GABRG2: variants seen among roughly 807,000 people sequenced by gnomAD.
GABRG2 encodes gamma-aminobutyric acid type A receptor subunit gamma2.
In GABRG2, 16 loss-of-function variants were observed where a neutral mutation model predicts 56.4. The ratio of observed to expected loss-of-function variants is 0.28; its 90% CI spans 0.19 to 0.43. The LOEUF is 0.43. Among genes scored for constraint, GABRG2 ranks in the 20% least tolerant of loss-of-function variants. The pLI is 1.00. For synonymous variants in GABRG2, 208 were observed against 205.5 expected, an observed-to-expected ratio of 1.01 and a Z score of -0.10; for missense variants, 327 against 582.7, an observed-to-expected ratio of 0.56 and a Z score of 4.52.
intron 1 of GABRG2, among the ~76,000 whole-genome samples, chr5:162,084,265 T>C (rs1759884177): frequency 6.7e-6 from 1 of 148,786 alleles, no homozygotes; most frequent in Admixed American, 7.0e-5. Context: ...TAATTAAAAT[T>C]GTCTGTGTAC....
intron 7 of GABRG2, among the ~76,000 whole-genome samples, chr5:162,144,836 T>A (rs902264925): frequency 2.0e-5 from 3 of 152,180 alleles, no homozygotes; most frequent in Non-Finnish European, 4.4e-5. Flanking sequence ...TCTAGATCAG[T>A]GCTCCTTAAA....
chr5:162,098,050 A>T (rs1761130703), intron 4 of GABRG2, 192 bp downstream of exon 4: 1 of 599,354 alleles, frequency 1.7e-6, no homozygotes, highest in African/African-American at 1.9e-5. Flanking sequence ...GAGCTTTTTC[A>T]AAGCACTAAT....
chr5:162,151,357 A>G (rs1452724625), intron 8 of GABRG2: 1 of 172,070 alleles, frequency 5.8e-6, no homozygotes, highest in Non-Finnish European at 1.2e-5. Context: ...CCTTTTGGAT[A>G]ATTGTGTCAA....
chr5:162,152,564 C>A, intron 9 of GABRG2: 1 of 324,348 alleles, frequency 3.1e-6, no homozygotes, highest in South Asian at 3.0e-5. Context: ...ATAAGCCATA[C>A]CATTGTGGTA....
At chr5:162,149,664 A>T (rs762710750) in intron 8 of GABRG2, 1 of 607,968 alleles carries the variant, frequency 1.6e-6, no homozygotes, top group Non-Finnish European at 3.1e-6. Context: ...CTCAGGCTGG[A>T]GTGCAGTGGC....
At chr5:162,104,544 T>C (rs1328955669) in intron 6 of GABRG2, among the ~76,000 whole-genome samples, 1 of 152,134 alleles carries the variant, frequency 6.6e-6, no homozygotes, top group East Asian at 1.9e-4. Context: ...GCTATAGACA[T>C]TGGGCAAATG....
intron 6 of GABRG2, among the ~76,000 whole-genome samples, chr5:162,106,617 T>A (rs1187189101): frequency 2.0e-5 from 3 of 152,190 alleles, no homozygotes; most frequent in African/African-American, 7.2e-5. Context: ...CTTAGCCAAT[T>A]ATAATGTGAC....
chr5:162,153,658 G>C lies in GABRG2; in HGVS notation c.*290G>C, dbSNP rs993246448. 4.0e-6 allele frequency: 2 copies of C among 502,018 alleles called. No homozygotes were observed. The highest frequency in any genetic ancestry group is 3.9e-5 in the African/African-American group (2 of 51,718). The allele number at this position is 502,018 out of a possible 1,614,324, so 31.1% of individuals were successfully genotyped here. A position where few individuals can be genotyped will look rare whatever the true frequency, so the allele number is the denominator to read the frequency against. ...TTTTTCAGCTACAGCAAATAAAACA[G>C]TGAAAGCCCTGACTATTTACAGTAG... On this transcript the variant is annotated 3_prime_UTR_variant, in exon 10 of 10. Coordinates refer to ENST00000639213, the MANE Select transcript of GABRG2 (RefSeq NM_198904.4).
At chr5:162,129,817 TAAC>T (rs1414667002) in intron 6 of GABRG2, among the ~76,000 whole-genome samples, 16 of 152,018 alleles carry the variant, frequency 1.1e-4, no homozygotes, top group South Asian at 6.2e-4. Flanking sequence ...TCAATTTAAA[TAAC>T]AACACTATGA....
At position 162,155,450 on chromosome 5, in the gene GABRG2, T is replaced by C. The variant is rs752085538; in HGVS notation, c.*2082T>C. Reference sequence around the variant, plus strand: ...CTTATTATAAGCTGCTCCCTGTCTATGTATTTGGAAACCTTTTCACAAAGG... The same window carrying C: ...CTTATTATAAGCTGCTCCCTGTCTACGTATTTGGAAACCTTTTCACAAAGG... On this transcript the variant is annotated 3_prime_UTR_variant, in exon 10 of 10. Transcript: ENST00000639213. 1 of 151,892 alleles carries C rather than the reference T, an allele frequency of 6.6e-6. No individual in the cohort carries two copies. The highest frequency in any genetic ancestry group is 2.4e-5 in the African/African-American group (1 of 41,246). The allele number at this position is 151,892 out of a possible 1,614,324, so 9.4% of individuals were successfully genotyped here.
At chr5:162,088,851 G>A (rs1581330192) in intron 1 of GABRG2, among the ~76,000 whole-genome samples, 1 of 152,092 alleles carries the variant, frequency 6.6e-6, no homozygotes, top group East Asian at 1.9e-4. Flanking sequence ...GAATGTATGT[G>A]AAATCTTTAA....
intron 6 of GABRG2, 69 bp downstream of exon 6, chr5:162,104,095 A>G (rs781710074): frequency 1.2e-5 from 17 of 1,411,388 alleles, no homozygotes; most frequent in Non-Finnish European, 1.7e-5. Flanking sequence ...TATGAATTAG[A>G]AGATTTTTCA....
chr5:162,122,566 A>G (rs1271054360), intron 6 of GABRG2, among the ~76,000 whole-genome samples: 2 of 151,872 alleles, frequency 1.3e-5, no homozygotes, highest in Admixed American at 6.6e-5. Context: ...AGTCTGTTTT[A>G]TACTTCAGAT....
At position 162,068,053 on chromosome 5, in the gene GABRG2, A is replaced by G. The variant is rs200838780; in HGVS notation, c.54A>G (p.Val18=). ...STGSSVYSTP[V]FSQKMTVWIL... ...GAAGCTCAGTCTACTCGACTCCTGTATTTTCACAGAAAATGACGGTGTGGA... is the reference window on the plus strand; with the variant it reads ...GAAGCTCAGTCTACTCGACTCCTGTGTTTTCACAGAAAATGACGGTGTGGA... Residue 18 remains valine, a synonymous_variant, in exon 1 of 10, where the codon GTA becomes GTG. Coordinates refer to ENST00000639213, the MANE Select transcript of GABRG2 (RefSeq NM_198904.4). 4 of 1,612,334 alleles carry G rather than the reference A, an allele frequency of 2.5e-6. No homozygotes were observed. The highest frequency in any genetic ancestry group is 1.7e-6 in the Non-Finnish European group (2 of 1,179,744).
At chr5:162,133,618 G>A (rs964454817) in intron 6 of GABRG2, among the ~76,000 whole-genome samples, 1 of 152,062 alleles carries the variant, frequency 6.6e-6, no homozygotes, top group Non-Finnish European at 1.5e-5. Flanking sequence ...ATCCCAAGGT[G>A]AACATATTTG....
At chr5:162,113,779 T>C (rs914539449) in intron 6 of GABRG2, among the ~76,000 whole-genome samples, 1 of 152,208 alleles carries the variant, frequency 6.6e-6, no homozygotes, top group African/African-American at 2.4e-5. Context: ...TGTGTAACGG[T>C]TCCTTGTTAA....
chr5:162,143,676 C>A (rs1027217375), intron 7 of GABRG2, among the ~76,000 whole-genome samples: 1 of 152,162 alleles, frequency 6.6e-6, no homozygotes, highest in African/African-American at 2.4e-5. Flanking sequence ...TGACATCACA[C>A]ATTTAGGATA....
intron 3 of GABRG2, among the ~76,000 whole-genome samples, chr5:162,096,431 A>C (rs1760999946): frequency 6.6e-6 from 1 of 152,308 alleles, no homozygotes; most frequent in African/African-American, 2.4e-5. Context: ...GTGAAATAAT[A>C]GTTTTAAGAA....
chr5:162,129,009 C>CT, intron 6 of GABRG2, among the ~76,000 whole-genome samples: 1 of 152,028 alleles, frequency 6.6e-6, no homozygotes, highest in Admixed American at 6.6e-5. Flanking sequence ...TATATACTTT[C>CT]TTTTTTCCAG....
Sources: gnomAD v4.1 joint callset for allele counts (sites outside exome capture counted in the v4.1 genomes callset) on GRCh38, gnomAD v4.1.1 for gene constraint, MANE v1.5 for transcripts, NCBI Gene and HGNC (gene_info 2026-07-23, HGNC 2026-07-21) for gene names.